PRKG1: variants seen among roughly 807,000 people sequenced by gnomAD.
The protein encoded by PRKG1 is protein kinase cGMP-dependent 1, also known as cGMP-dependent protein kinase 1.
A neutral mutation model predicts 88.1 loss-of-function variants in PRKG1; 35 were observed. The ratio of observed to expected loss-of-function variants is 0.40; its 90% confidence interval spans 0.30 to 0.53. PRKG1 has a LOEUF of 0.53. PRKG1 is among the 20% of genes least tolerant of loss of function. The probability of loss-of-function intolerance (pLI) is 0.59; values close to 1 mark genes in which losing one functional copy is unlikely to be tolerated. For synonymous variants in PRKG1, 303 were observed against 292.5 expected, an observed-to-expected ratio of 1.04 and a Z score of -0.37; for missense variants, 540 against 839.8, an observed-to-expected ratio of 0.64 and a Z score of 4.41.
chr10:51,047,426 G>T (rs1336690166), intron 1 of PRKG1, among the ~76,000 whole-genome samples: 1 of 152,130 alleles, frequency 6.6e-6, no homozygotes, highest in Non-Finnish European at 1.5e-5. Flanking sequence ...CATGTTGATG[G>T]ATTGGACTTG....
intron 3 of PRKG1, among the ~76,000 whole-genome samples, chr10:51,737,757 T>G (rs1837325952): frequency 3.4e-5 from 1 of 29,768 alleles, no homozygotes. Context: ...ATTATTATTA[T>G]TATTATTATT....
At chr10:51,372,276 G>A (rs865840107) in intron 2 of PRKG1, among the ~76,000 whole-genome samples, 1 of 152,010 alleles carries the variant, frequency 6.6e-6, no homozygotes, top group African/African-American at 2.4e-5. Context: ...CTGCATTTTT[G>A]TGTGTATTGA....
At chr10:51,907,862 T>A in intron 5 of PRKG1, 1 of 270,962 alleles carries the variant, frequency 3.7e-6, no homozygotes, top group Non-Finnish European at 6.9e-6. Flanking sequence ...TCTCTTATTT[T>A]AACTAGTGTA....
At chr10:51,691,438 G>A (rs1242218625) in intron 3 of PRKG1, among the ~76,000 whole-genome samples, 1 of 151,472 alleles carries the variant, frequency 6.6e-6, no homozygotes, top group African/African-American at 2.4e-5. Context: ...GTCCTAAGTA[G>A]CTGGGACTAC....
intron 5 of PRKG1, among the ~76,000 whole-genome samples, chr10:51,950,346 C>T (rs1329716283): frequency 2.0e-5 from 3 of 152,172 alleles, no homozygotes; most frequent in African/African-American, 4.8e-5. Flanking sequence ...CTACAGATCA[C>T]CAAGTACATA....
At chr10:51,964,175 G>A (rs1373687162) in intron 5 of PRKG1, among the ~76,000 whole-genome samples, 1 of 152,108 alleles carries the variant, frequency 6.6e-6, no homozygotes, top group Non-Finnish European at 1.5e-5. Flanking sequence ...CTTCCCTCTT[G>A]TAATGATCCT....
intron 3 of PRKG1, among the ~76,000 whole-genome samples, chr10:51,475,856 G>T (rs1002357733): frequency 6.6e-6 from 1 of 151,948 alleles, no homozygotes; most frequent in Admixed American, 6.6e-5. Context: ...ACAGAACAAA[G>T]AAAAAATTTC....
intron 8 of PRKG1, among the ~76,000 whole-genome samples, chr10:52,160,053 A>G (rs1470177904): frequency 6.6e-6 from 1 of 151,914 alleles, no homozygotes; most frequent in Admixed American, 6.6e-5. Flanking sequence ...TTGGACAAGG[A>G]ACTTAAACTG....
At chr10:51,276,340 G>T (rs149702068) in intron 2 of PRKG1, among the ~76,000 whole-genome samples, 2 of 152,032 alleles carry the variant, frequency 1.3e-5, no homozygotes, top group Non-Finnish European at 2.9e-5. Flanking sequence ...TATATGTGCC[G>T]CATTTTCTTA....
At chr10:51,570,860 A>G (rs1837735129) in intron 3 of PRKG1, among the ~76,000 whole-genome samples, 1 of 151,970 alleles carries the variant, frequency 6.6e-6, no homozygotes, top group Admixed American at 6.6e-5. Flanking sequence ...CAGCCCCAAT[A>G]TAGTTTTGAA....
At chr10:51,371,025 G>T (rs1374174409) in intron 2 of PRKG1, among the ~76,000 whole-genome samples, 1 of 151,770 alleles carries the variant, frequency 6.6e-6, no homozygotes, top group East Asian at 1.9e-4. Context: ...CTTCTCATTT[G>T]TCCGCATGGT....
chr10:51,473,407 T>A (rs1055966472), intron 3 of PRKG1, among the ~76,000 whole-genome samples: 1 of 151,834 alleles, frequency 6.6e-6, no homozygotes, highest in Non-Finnish European at 1.5e-5. Flanking sequence ...TTTTTTTCCT[T>A]AGGCTTGAGG....
chr10:51,117,080 G>A (rs1468819644), intron 1 of PRKG1, among the ~76,000 whole-genome samples: 1 of 152,182 alleles, frequency 6.6e-6, no homozygotes, highest in Non-Finnish European at 1.5e-5. Context: ...TTATTGTGGA[G>A]CCAATTTTGA....
At chr10:52,112,305 A>T in intron 7 of PRKG1, among the ~76,000 whole-genome samples, 1 of 152,084 alleles carries the variant, frequency 6.6e-6, no homozygotes, top group East Asian at 1.9e-4. Flanking sequence ...TTATTTTGTG[A>T]TTCTTACATA....
intron 9 of PRKG1, among the ~76,000 whole-genome samples, chr10:52,244,208 A>T (rs1433940387): frequency 6.6e-6 from 1 of 152,028 alleles, no homozygotes; most frequent in Admixed American, 6.6e-5. Context: ...GTTTAAAGAG[A>T]TTTTTTAAAA....
At chr10:51,008,988 G>A (rs1842965518) in intron 1 of PRKG1, among the ~76,000 whole-genome samples, 1 of 152,164 alleles carries the variant, frequency 6.6e-6, no homozygotes, top group Non-Finnish European at 1.5e-5. Flanking sequence ...GTGGCTCCAT[G>A]AAATGTCACA....
Position 52,212,617 on chromosome 10 carries a change from G to A in PRKG1, c.1077-38953G>A, listed in dbSNP as rs577854443. 4.8e-4 allele frequency among the ~76,000 whole-genome samples: 72 copies of A among 151,178 alleles called. 1 individual carries two copies. The highest frequency in any genetic ancestry group is 9.0e-4 in the Non-Finnish European group (61 of 67,862). Reference sequence around the variant, plus strand: ...TGTTGGGGGGAGAGGGGTGGTGTAGGGGAGAGAGAGAGAGAGAGATTAAAA... The same window carrying A: ...TGTTGGGGGGAGAGGGGTGGTGTAGAGGAGAGAGAGAGAGAGAGATTAAAA... On this transcript the variant is annotated intron_variant, in intron 9 of 17. Coordinates refer to ENST00000373980, the MANE Select transcript of PRKG1 (RefSeq NM_006258.4).
At chr10:51,271,000 T>C (rs76166255) in intron 2 of PRKG1, among the ~76,000 whole-genome samples, 69 of 152,338 alleles carry the variant, frequency 4.5e-4, no homozygotes, top group African/African-American at 1.6e-3. Flanking sequence ...AGATCCTCCT[T>C]CTTAACCTAA....
chr10:52,009,246 A>G (rs781150796), intron 5 of PRKG1, among the ~76,000 whole-genome samples: 2 of 152,292 alleles, frequency 1.3e-5, no homozygotes, highest in South Asian at 2.1e-4. Flanking sequence ...CTATTTACAG[A>G]TGATGTGATT....
Sources: gnomAD v4.1 joint callset for allele counts (sites outside exome capture counted in the v4.1 genomes callset) on GRCh38, gnomAD v4.1.1 for gene constraint, MANE v1.5 for transcripts, NCBI Gene and HGNC (gene_info 2026-07-23, HGNC 2026-07-21) for gene names.